Variants in RABGAP1L observed in about 807,000 individuals in gnomAD.
The protein encoded by RABGAP1L is RAB GTPase activating protein 1 like.
A neutral mutation model predicts 137.7 loss-of-function variants in RABGAP1L; 63 were observed. That is an observed-to-expected ratio of 0.46 (90% CI 0.37 to 0.56). The LOEUF (loss-of-function observed/expected upper bound fraction) is 0.56, where lower values mean the gene tolerates loss of function less well. RABGAP1L is among the 20% of genes least tolerant of loss of function. The pLI, the probability that RABGAP1L is intolerant of heterozygous loss-of-function variation, is 0.00. For missense variants in RABGAP1L, 1,095 were observed against 1,244.0 expected (o/e 0.88, Z 1.80); for synonymous variants, 431 against 433.7 (o/e 0.99, Z 0.08).
At chr1:174,176,010 A>G (rs533918599) in intron 1 of RABGAP1L, among the ~76,000 whole-genome samples, 1 of 152,290 alleles carries the variant, frequency 6.6e-6, no homozygotes, top group East Asian at 1.9e-4. Context: ...AAACCTGTGT[A>G]ATGTCTGGCT....
At chr1:174,962,732 G>A (rs1003744488) in intron 20 of RABGAP1L, among the ~76,000 whole-genome samples, 2 of 143,280 alleles carry the variant, frequency 1.4e-5, no homozygotes, top group Admixed American at 1.3e-4. Context: ...AAAAGAGGGA[G>A]TAGACTTTTT....
rs371244319 is a variant in RABGAP1L, at chr1:174,788,207, T to C, written c.2212-23625T>C. Among the ~76,000 whole-genome samples the C allele has an allele frequency of 6.6e-5, 10 of 152,328 alleles. 1 individual carries two copies. The highest frequency in any genetic ancestry group is 2.4e-4 in the African/African-American group (10 of 41,568). ...TTAGACTTGCGACGAAAGTAACCAG[T>C]TCAAGTGATCTTATAATCAACTTTG... On this transcript the variant is annotated intron_variant, in intron 18 of 25. Transcript: ENST00000681986.
chr1:174,210,576 T>C (rs1007509437), intron 1 of RABGAP1L, among the ~76,000 whole-genome samples: 2 of 151,880 alleles, frequency 1.3e-5, no homozygotes, highest in Non-Finnish European at 2.9e-5. Flanking sequence ...ACAAAAACAA[T>C]GAAGCATGCC....
intron 13 of RABGAP1L, among the ~76,000 whole-genome samples, chr1:174,619,086 G>T (rs1022686158): frequency 5.9e-5 from 9 of 152,104 alleles, no homozygotes; most frequent in African/African-American, 2.2e-4. Context: ...GAGAAGTTTA[G>T]AGAAAAAAGA....
At chr1:174,266,309 C>T (rs570055690) in intron 7 of RABGAP1L, among the ~76,000 whole-genome samples, 1 of 152,234 alleles carries the variant, frequency 6.6e-6, no homozygotes, top group Admixed American at 6.5e-5. Flanking sequence ...ATTAGTGGTA[C>T]TATTACAACA....
intron 8 of RABGAP1L, among the ~76,000 whole-genome samples, chr1:174,273,606 C>T (rs1311475984): frequency 2.6e-5 from 4 of 151,614 alleles, no homozygotes; most frequent in African/African-American, 7.3e-5. Flanking sequence ...TAAGGCAAGC[C>T]ATTAGCATTT....
chr1:174,287,954 C>T (rs1310939809), intron 10 of RABGAP1L, among the ~76,000 whole-genome samples: 1 of 151,964 alleles, frequency 6.6e-6, no homozygotes, highest in Non-Finnish European at 1.5e-5. Context: ...TTTGTGATGG[C>T]AGGCTTTTAT....
intron 15 of RABGAP1L, among the ~76,000 whole-genome samples, chr1:174,685,252 T>G (rs1194054702): frequency 3.3e-5 from 5 of 151,976 alleles, no homozygotes; most frequent in Non-Finnish European, 7.4e-5. Context: ...AGTTCTTTCT[T>G]TCTCTCTTTC....
chr1:174,362,868 A>G (rs1030233913), intron 11 of RABGAP1L, among the ~76,000 whole-genome samples: 12 of 152,128 alleles, frequency 7.9e-5, no homozygotes, highest in African/African-American at 2.9e-4. Context: ...ATTTGTGCCG[A>G]TGTCTCGAAT....
At chr1:174,973,574 G>A (rs1670353329) in intron 21 of RABGAP1L, among the ~76,000 whole-genome samples, 1 of 151,682 alleles carries the variant, frequency 6.6e-6, no homozygotes, top group South Asian at 2.1e-4. Context: ...TAATAGAGAC[G>A]GGGTTTCACC....
chr1:174,488,224 T>C (rs1178003031), intron 13 of RABGAP1L, among the ~76,000 whole-genome samples: 1 of 152,182 alleles, frequency 6.6e-6, no homozygotes, highest in African/African-American at 2.4e-5. Context: ...ATCTAGTGTT[T>C]AAGGCCTTTG....
intron 19 of RABGAP1L, among the ~76,000 whole-genome samples, chr1:174,844,639 A>C (rs1693855269): frequency 7.2e-6 from 1 of 138,222 alleles, no homozygotes; most frequent in Admixed American, 7.6e-5. Context: ...CTTGAAGTAT[A>C]GTTTGAAGTC....
At chr1:174,482,024 C>G (rs944851925) in intron 13 of RABGAP1L, among the ~76,000 whole-genome samples, 2 of 151,992 alleles carry the variant, frequency 1.3e-5, no homozygotes, top group Non-Finnish European at 2.9e-5. Flanking sequence ...TGCTAGTGGG[C>G]CTATTGTAAT....
chr1:174,955,999 T>G (rs1363929388), intron 19 of RABGAP1L, among the ~76,000 whole-genome samples: 1 of 152,224 alleles, frequency 6.6e-6, no homozygotes, highest in Admixed American at 6.5e-5. Context: ...AGATTTAATA[T>G]GTATTATGGA....
chr1:174,246,162 G>T (rs752805800), intron 5 of RABGAP1L: 2 of 152,092 alleles, frequency 1.3e-5, no homozygotes, highest in Non-Finnish European at 2.9e-5. Context: ...AAATTCCGCC[G>T]CAGTTAAGAT....
chr1:174,392,658 T>C (rs1313964808), intron 12 of RABGAP1L, among the ~76,000 whole-genome samples: 3 of 152,174 alleles, frequency 2.0e-5, no homozygotes, highest in African/African-American at 7.2e-5. Context: ...ATAGCCCAAA[T>C]ATGACAGTAT....
chr1:174,882,502 G>C (rs1285155726), intron 19 of RABGAP1L, among the ~76,000 whole-genome samples: 1 of 152,148 alleles, frequency 6.6e-6, no homozygotes, highest in Non-Finnish European at 1.5e-5. Flanking sequence ...CACATGTTAT[G>C]TATGAAGGGG....
At chr1:174,161,750 A>T (rs2148179358) in intron 1 of RABGAP1L, among the ~76,000 whole-genome samples, 1 of 151,196 alleles carries the variant, frequency 6.6e-6, no homozygotes, top group East Asian at 2.0e-4. Context: ...TTTTAAAGAG[A>T]CAAGGTCTCG....
intron 13 of RABGAP1L, among the ~76,000 whole-genome samples, chr1:174,538,633 A>G (rs1174770335): frequency 6.6e-6 from 1 of 152,148 alleles, no homozygotes; most frequent in Non-Finnish European, 1.5e-5. Flanking sequence ...GGTTATAATG[A>G]TATTTCACTG....
Sources: gnomAD v4.1 joint callset for allele counts (sites outside exome capture counted in the v4.1 genomes callset) on GRCh38, gnomAD v4.1.1 for gene constraint, MANE v1.5 for transcripts, NCBI Gene and HGNC (gene_info 2026-07-23, HGNC 2026-07-21) for gene names.